The following PTGES variants were observed in gnomAD, a reference collection of about 807,000 sequenced individuals.
The protein encoded by PTGES is prostaglandin E synthase, also known as MGST1-like 1.
In PTGES, 3 loss-of-function variants were observed where a neutral mutation model predicts 11.8. The ratio of observed to expected loss-of-function variants is 0.25; its 90% CI spans 0.12 to 0.66. The LOEUF is 0.66. Ranked by LOEUF, PTGES falls within the 30% of genes least tolerant of loss-of-function variation. The probability of loss-of-function intolerance (pLI) is 0.82; values close to 1 mark genes in which losing one functional copy is unlikely to be tolerated. For missense variants in PTGES, 180 were observed against 213.0 expected (o/e 0.85, Z 0.96); for synonymous variants, 94 against 90.4 (o/e 1.04, Z -0.22).
At chr9:129,752,856 C>T (rs773861223) in intron 1 of PTGES, 31 bp downstream of exon 1, 23 of 1,613,780 alleles carry the variant, frequency 1.4e-5, no homozygotes, top group Non-Finnish European at 1.9e-5. Context: ...CAAGTATGAC[C>T]CAGGCCGGGG....
Position 129,752,163 on chromosome 9 carries a change from GAC to G in PTGES, c.126+722_126+723del, listed in dbSNP as rs1833118509. Among the ~76,000 whole-genome samples, 5 of 152,370 alleles carry G rather than the reference GAC, an allele frequency of 3.3e-5. No individual in the cohort carries two copies. The South Asian group carries it at 1.0e-3, about 32-fold the overall frequency. On this transcript the variant is annotated intron_variant, in intron 1 of 2. Transcript: ENST00000340607. ...TGAACTGGACACAGGGGAAGACAGAGACAGTTTCAGGAAATGATTGCTTTATT... is the reference window on the plus strand; with the variant it reads ...TGAACTGGACACAGGGGAAGACAGAGAGTTTCAGGAAATGATTGCTTTATT...
chr9:129,745,594 C>T lies in PTGES; in HGVS notation c.209+3061G>A, dbSNP rs913820555. Among the ~76,000 whole-genome samples, 3 of 152,202 alleles carry T rather than the reference C, an allele frequency of 2.0e-5. No homozygotes were observed. The highest frequency in any genetic ancestry group is 7.2e-5 in the African/African-American group (3 of 41,430). ...AGGAGGGGCCCAGGGGACCCAGGCA[C>T]TCCCCAGGTCTGACTTGGGCCCAGT... is the stretch of plus-strand genomic sequence containing the variant. On this transcript the variant is annotated intron_variant, in intron 2 of 2. Coordinates refer to ENST00000340607, the MANE Select transcript of PTGES (RefSeq NM_004878.5). This position sits in a 1 kb window ranked among gnomAD's most constrained non-coding sequence, Gnocchi z 4.2.
At position 129,748,755 on chromosome 9, in the gene PTGES, AG is replaced by A. The variant is rs1437195995; in HGVS notation, c.127-19del. 9 of 1,580,428 alleles carry A rather than the reference AG, an allele frequency of 5.7e-6. No homozygotes were observed. The highest frequency in any genetic ancestry group is 7.8e-6 in the Non-Finnish European group (9 of 1,159,584). ...GCAAAGGCCTGAAATATACCAGTTGAGAGTCACTCCTCGTGAGACAAACGGC... is the reference window on the plus strand; with the variant it reads ...GCAAAGGCCTGAAATATACCAGTTGAAGTCACTCCTCGTGAGACAAACGGC... On this transcript the variant is annotated intron_variant, in intron 1 of 2. Coordinates refer to ENST00000340607, the MANE Select transcript of PTGES (RefSeq NM_004878.5).
chr9:129,747,693 C>A (rs1833060624), intron 2 of PTGES, among the ~76,000 whole-genome samples: 1 of 152,062 alleles, frequency 6.6e-6, no homozygotes, highest in South Asian at 2.1e-4. Flanking sequence ...GTTTTACTCA[C>A]ACATACCCAT....
chr9:129,743,865 T>C (rs899677204), intron 2 of PTGES, among the ~76,000 whole-genome samples: 2 of 152,174 alleles, frequency 1.3e-5, no homozygotes, highest in East Asian at 3.9e-4. Context: ...GATCTTTTTT[T>C]TGAGACAGAG....
rs565111171 is a variant in PTGES at position 129,742,897 on chromosome 9, G to A, written c.210-3037C>T. Among the ~76,000 whole-genome samples, 82 of 152,062 alleles carry A rather than the reference G, an allele frequency of 5.4e-4. 1 individual carries two copies. Among genetic ancestry groups the A allele is most frequent in the African/African-American group, 1.9e-3 (80 of 41,496 alleles). ...AAAAAAAAAAAAAGAGTAAGTCAAT[G>A]TTTGGAAAGCTGTTAAGAGAATCAT... On this transcript the variant is annotated intron_variant, in intron 2 of 2. Transcript: ENST00000340607.
At chr9:129,740,061 C>T (rs1180785217) in intron 2 of PTGES, among the ~76,000 whole-genome samples, 1 of 151,966 alleles carries the variant, frequency 6.6e-6, no homozygotes, top group Non-Finnish European at 1.5e-5. Flanking sequence ...CTTATGCTTG[C>T]AAGCAGCTGA....
chr9:129,748,341 A>T (rs1833067750), intron 2 of PTGES, among the ~76,000 whole-genome samples: 1 of 152,076 alleles, frequency 6.6e-6, no homozygotes, highest in Admixed American at 6.6e-5. Context: ...GGGAAGATGC[A>T]TGGCCATTGG....
At chr9:129,742,425 T>A (rs1271978919) in intron 2 of PTGES, among the ~76,000 whole-genome samples, 1 of 151,860 alleles carries the variant, frequency 6.6e-6, no homozygotes, top group Non-Finnish European at 1.5e-5. Context: ...ACAGGCTGAT[T>A]AGAGGGACAC....
chr9:129,739,844 T>C lies in PTGES; in HGVS notation c.226A>G (p.Met76Val). The stretch of plus-strand genomic sequence containing the variant: ...AAAAGGAAGGGGTAGATGGTCTCCA[T>C]GTCGTTCCGGTGGGCCCTGGGGAGA... ...ERCLRAHRNDMETIYPFLFLG... is the reference protein window; with the variant it reads ...ERCLRAHRNDVETIYPFLFLG... Residue 76 changes from methionine to valine, a missense_variant, in exon 3 of 3, where the codon ATG becomes GTG. Physicochemically the swap from Met to Val is conservative, Grantham distance 21. Coordinates refer to ENST00000340607, the MANE Select transcript of PTGES (RefSeq NM_004878.5). The surrounding 1 kb of genome is among the most constrained non-coding windows in gnomAD (Gnocchi z 5.7). 3 of 1,568,974 alleles carry C rather than the reference T, an allele frequency of 1.9e-6. No homozygotes were observed. The highest frequency in any genetic ancestry group is 2.6e-6 in the Non-Finnish European group (3 of 1,156,588).
chr9:129,739,224 G>A lies in PTGES; in HGVS notation c.*387C>T, dbSNP rs3844047. On this transcript the variant is annotated 3_prime_UTR_variant, in exon 3 of 3. Coordinates refer to ENST00000340607, the MANE Select transcript of PTGES (RefSeq NM_004878.5). The surrounding 1 kb of genome is among the most constrained non-coding windows in gnomAD (Gnocchi z 5.7). Reference sequence around the variant, plus strand: ...TCTGAAAAGTCTGCATTCTTAGCCCGGGATTCAGATGATCATTAGGTTTGG... The same window carrying A: ...TCTGAAAAGTCTGCATTCTTAGCCCAGGATTCAGATGATCATTAGGTTTGG... 0.014 allele frequency: 2,490 copies of A among 178,332 alleles called. 64 individuals are homozygous for A. Among genetic ancestry groups the A allele is most frequent in the African/African-American group, 0.055 (2,334 of 42,062 alleles). 11.0% of individuals were successfully genotyped at this position (178,332 alleles called of 1,614,324 possible).
rs200163639 is a variant in PTGES, at chr9:129,739,431, C to T, written c.*180G>A. ...AGGGGCTAAGAAACATACACACACA[C>T]ATACACACACACGGGCACACACACA... On this transcript the variant is annotated 3_prime_UTR_variant, in exon 3 of 3. Coordinates refer to ENST00000340607, the MANE Select transcript of PTGES (RefSeq NM_004878.5). This position sits in a 1 kb window ranked among gnomAD's most constrained non-coding sequence, Gnocchi z 5.7. 7 of 806,190 alleles carry T rather than the reference C, an allele frequency of 8.7e-6. No homozygotes were observed. The highest frequency in any genetic ancestry group is 1.1e-5 in the Non-Finnish European group (6 of 525,446). The allele number at this position is 806,190 out of a possible 1,614,324, so 49.9% of individuals were successfully genotyped here.
intron 1 of PTGES, among the ~76,000 whole-genome samples, chr9:129,750,259 C>T (rs1245355807): frequency 6.6e-6 from 1 of 152,196 alleles, no homozygotes; most frequent in African/African-American, 2.4e-5. Context: ...CAGCTGACGG[C>T]AAATCCTGTG....
Position 129,739,519 on chromosome 9 carries a change from C to T in PTGES, c.*92G>A. 1 of 1,471,838 alleles carries T rather than the reference C, an allele frequency of 6.8e-7. No individual in the cohort carries two copies. Among genetic ancestry groups the T allele is most frequent in the South Asian group, 1.4e-5 (1 of 72,038 alleles). The allele number at this position is 1,471,838 out of a possible 1,614,324, so 91.2% of individuals were successfully genotyped here. A position where few individuals can be genotyped will look rare whatever the true frequency, so the allele number is the denominator to read the frequency against. ...TGCCAGGAAACCAGGACTCAGGGCC[C>T]ACCACAATCTGGAAGGAACATCAAG... On this transcript the variant is annotated 3_prime_UTR_variant, in exon 3 of 3. Coordinates refer to ENST00000340607, the MANE Select transcript of PTGES (RefSeq NM_004878.5). This position sits in a 1 kb window ranked among gnomAD's most constrained non-coding sequence, Gnocchi z 5.7.
intron 1 of PTGES, among the ~76,000 whole-genome samples, chr9:129,749,835 CA>C (rs960439129): frequency 6.6e-6 from 1 of 152,158 alleles, no homozygotes; most frequent in African/African-American, 2.4e-5. Flanking sequence ...GGGCAAGGGA[CA>C]GGGGCCCAAG....
Position 129,739,955 on chromosome 9 carries a change from A to G in PTGES, c.210-95T>C. On this transcript the variant is annotated intron_variant, in intron 2 of 2. Transcript: ENST00000340607. The surrounding 1 kb of genome is among the most constrained non-coding windows in gnomAD (Gnocchi z 5.7). ...ATGGAAGCTGGGGGTGCTTTGACCC[A>G]CTGGGGGTCATTTCAGGCATATCAC... 1 of 1,409,010 alleles carries G rather than the reference A, an allele frequency of 7.1e-7. No homozygotes were observed. Among genetic ancestry groups the G allele is most frequent in the Admixed American group, 2.5e-5 (1 of 40,792 alleles). The allele number at this position is 1,409,010 out of a possible 1,614,324, so 87.3% of individuals were successfully genotyped here.
intron 2 of PTGES, among the ~76,000 whole-genome samples, chr9:129,746,034 CAA>C (rs142175511): frequency 1.7e-4 from 21 of 121,220 alleles, no homozygotes; most frequent in Admixed American, 3.5e-4. Context: ...AACTCTGTCT[CAA>C]AAAAAAAAAA....
rs45500196 is a variant in PTGES at position 129,741,674 on chromosome 9, G to C, written c.210-1814C>G. On this transcript the variant is annotated intron_variant, in intron 2 of 2. Transcript: ENST00000340607. The stretch of plus-strand genomic sequence containing the variant: ...TAATCCCAGCACTTTGGGAGGCCAA[G>C]GCGGGCGGATTACCTGAGGTCAGGA... Among the ~76,000 whole-genome samples, 3 of 152,232 alleles carry C rather than the reference G, an allele frequency of 2.0e-5. No individual in the cohort carries two copies. The South Asian group carries it at 6.2e-4, about 32-fold the overall frequency.
intron 1 of PTGES, among the ~76,000 whole-genome samples, chr9:129,752,304 G>A (rs1447633309): frequency 1.3e-5 from 2 of 152,224 alleles, no homozygotes; most frequent in East Asian, 1.9e-4. Context: ...TGTGACGGAC[G>A]CTACTGGAAC....
Sources: allele counts gnomAD v4.1 joint callset (sites outside exome capture counted in the v4.1 genomes callset), GRCh38; gene constraint gnomAD v4.1.1; non-coding constraint Gnocchi (gnomAD v3.1); transcripts MANE v1.5; gene names NCBI Gene and HGNC (gene_info 2026-07-23, HGNC 2026-07-21).